DDX20: variants seen among roughly 807,000 people sequenced by gnomAD.
DDX20 encodes DEAD-box helicase 20, also known as probable ATP-dependent RNA helicase DDX20.
A neutral mutation model predicts 76.4 loss-of-function variants in DDX20; 61 were observed. The ratio of observed to expected loss-of-function variants is 0.80; its 90% CI spans 0.65 to 0.99. DDX20 has a LOEUF of 0.99. DDX20 is among the 50% of genes least tolerant of loss of function. The pLI is 0.00. For missense variants in DDX20, 976 were observed against 996.8 expected (o/e 0.98, Z 0.28); for synonymous variants, 357 against 357.4 (o/e 1.00, Z 0.01).
Position 111,756,208 on chromosome 1 carries a change from TG to T in DDX20, c.288del (p.Arg97AlafsTer6), listed in dbSNP as rs746841321. ...PSPVQLKAIP[L>X]GRCGLDLIVQ... ...CCGGTGCAGCTCAAGGCCATCCCGTTGGGGCGCTGCGGGCTCGGTGAGAGCG... is the reference window on the plus strand; with the variant it reads ...CCGGTGCAGCTCAAGGCCATCCCGTTGGGCGCTGCGGGCTCGGTGAGAGCG... On this transcript the variant is annotated frameshift_variant, in exon 1 of 11. Transcript: ENST00000369702. LOFTEE classifies it high-confidence loss of function. The T allele has an allele frequency of 7.6e-7, 1 of 1,315,024 alleles. No individual in the cohort carries two copies. The highest frequency in any genetic ancestry group is 2.8e-5 in the Admixed American group (1 of 36,208). The allele number at this position is 1,315,024 out of a possible 1,614,324, so 81.5% of individuals were successfully genotyped here.
chr1:111,763,018 T>A lies in DDX20; in HGVS notation c.1312+11T>A. 6.3e-7 allele frequency: 1 copy of A among 1,576,190 alleles called. No homozygotes were observed. On this transcript the variant is annotated intron_variant, in intron 10 of 10. Coordinates refer to ENST00000369702, the MANE Select transcript of DDX20 (RefSeq NM_007204.5). ...TTCTCCCTTTACCAGGTACATTTCA[T>A]CTGTTTCATTATTTCAAAATAATTA...
rs1195727997 is a variant in DDX20, at chr1:111,756,122, A to C, written c.198A>C (p.Ser66=). 3 of 1,593,386 alleles carry C rather than the reference A, an allele frequency of 1.9e-6. No individual in the cohort carries two copies. The part of the protein sequence containing the change: ...VLLAEPADFE[S]LLLSRPVLEG... ...TGGCGGAGCCGGCCGACTTCGAGTCACTGCTGCTTTCGCGGCCGGTGCTGG... is the reference window on the plus strand; with the variant it reads ...TGGCGGAGCCGGCCGACTTCGAGTCCCTGCTGCTTTCGCGGCCGGTGCTGG... The change falls in exon 1 of 11, where the codon TCA becomes TCC. Residue 66 remains serine (S), a synonymous_variant. Coordinates refer to ENST00000369702, the MANE Select transcript of DDX20 (RefSeq NM_007204.5).
rs141292395 is a variant in DDX20, at chr1:111,761,329, G to T, written c.1021+45G>T. 1,474 of 1,528,434 alleles carry T rather than the reference G, an allele frequency of 9.6e-4. 17 individuals are homozygous for T. The African/African-American group carries it at 0.017, about 18-fold the overall frequency. The allele number at this position is 1,528,434 out of a possible 1,614,324, so 94.7% of individuals were successfully genotyped here. A position where few individuals can be genotyped will look rare whatever the true frequency, so the allele number is the denominator to read the frequency against. ...TAATCTTTATTTAGTATACTGACTTGAAGCCTCCAAAGTCAGGAGGAAAAA... is the reference window on the plus strand; with the variant it reads ...TAATCTTTATTTAGTATACTGACTTTAAGCCTCCAAAGTCAGGAGGAAAAA... On this transcript the variant is annotated intron_variant, in intron 7 of 10. Transcript: ENST00000369702.
At chr1:111,764,020 C>T (rs1663726788) in intron 10 of DDX20, among the ~76,000 whole-genome samples, 1 of 152,086 alleles carries the variant, frequency 6.6e-6, no homozygotes, top group Non-Finnish European at 1.5e-5. Flanking sequence ...TAGGTCACGC[C>T]TGTAATGCCA....
In DDX20 at chr1:111,766,839, G is replaced by A; in HGVS notation, c.2415G>A (p.Trp805Ter). 6.2e-7 allele frequency: 1 copy of A among 1,613,962 alleles called. No homozygotes were observed. The highest frequency in any genetic ancestry group is 8.5e-7 in the Non-Finnish European group (1 of 1,179,940). ...GGAATGCTCAGAGACATCCAAGTTG[G>A]ATGGCAGCTTATCACATGAATACCA... ...YYWNAQRHPS[W>*]MAAYHMNTIY... The change falls in exon 11 of 11, where the codon TGG becomes TGA. Residue 805 changes from tryptophan (W) to a stop codon, truncating the protein, a stop_gained. Coordinates refer to ENST00000369702, the MANE Select transcript of DDX20 (RefSeq NM_007204.5). LOFTEE classifies it high-confidence loss of function.
rs1015140997 is a variant in DDX20, at chr1:111,761,570, C to A, written c.1021+286C>A. 3.7e-5 allele frequency: 9 copies of A among 245,356 alleles called. No homozygotes were observed. The East Asian group carries it at 6.7e-4, about 18-fold the overall frequency. 15.2% of individuals were successfully genotyped at this position (245,356 alleles called of 1,614,324 possible). A position where few individuals can be genotyped will look rare whatever the true frequency, so the allele number is the denominator to read the frequency against. ...CCACATATAACTTAATTCTATAAAACCAAGTTTGTCTGTATTGTGTTAAGA... is the reference window on the plus strand; with the variant it reads ...CCACATATAACTTAATTCTATAAAAACAAGTTTGTCTGTATTGTGTTAAGA... On this transcript the variant is annotated intron_variant, in intron 7 of 10. Transcript: ENST00000369702.
chr1:111,756,830 G>A, intron 2 of DDX20, 90 bp downstream of exon 2: 1 of 1,108,562 alleles, frequency 9.0e-7, no homozygotes, highest in Non-Finnish European at 1.4e-6. Flanking sequence ...AGAGCTGGAA[G>A]TGAATTTGAT....
rs1366277153 is a variant in DDX20 at position 111,766,667 on chromosome 1, CTG to C, written c.2244_2245del (p.Glu749SerfsTer5). On this transcript the variant is annotated frameshift_variant, in exon 11 of 11. Transcript: ENST00000369702. LOFTEE classifies it high-confidence loss of function. Reference sequence around the variant, plus strand: ...AGGCGGTCTTCCTTCAGATTGCAGACTGAAGCCCAGGAAGATGATTGGTATGA... The same window carrying C: ...AGGCGGTCTTCCTTCAGATTGCAGACAAGCCCAGGAAGATGATTGGTATGA... 1.9e-6 allele frequency: 3 copies of C among 1,614,038 alleles called. No homozygotes were observed. The highest frequency in any genetic ancestry group is 2.7e-5 in the African/African-American group (2 of 74,918).
rs1663817291 is a variant in DDX20 at position 111,767,997 on chromosome 1, T to C, written c.*1098T>C. 1 of 152,200 alleles carries C rather than the reference T, an allele frequency of 6.6e-6. No homozygotes were observed. The highest frequency in any genetic ancestry group is 2.4e-5 in the African/African-American group (1 of 41,460). 9.4% of individuals were successfully genotyped at this position (152,200 alleles called of 1,614,324 possible). On this transcript the variant is annotated 3_prime_UTR_variant, in exon 11 of 11. Coordinates refer to ENST00000369702, the MANE Select transcript of DDX20 (RefSeq NM_007204.5). The stretch of plus-strand genomic sequence containing the variant: ...GATTTAGAAAAATATAATTGGAAAT[T>C]ACATATTCTTTGCTTTTTTCCTCTG...
At chr1:111,756,303 C>A (rs1253414776) in intron 1 of DDX20, 78 bp downstream of exon 1, 1 of 1,350,992 alleles carries the variant, frequency 7.4e-7, no homozygotes, top group Non-Finnish European at 9.5e-7. Context: ...GCCAGGCCCG[C>A]GCCGCAGCTC....
rs1052968304 is a variant in DDX20, at chr1:111,764,181, G to A, written c.1312+1174G>A. Among the ~76,000 whole-genome samples, 101 of 152,150 alleles carry A rather than the reference G, an allele frequency of 6.6e-4. 1 individual carries two copies. The highest frequency in any genetic ancestry group is 2.4e-3 in the African/African-American group (98 of 41,490). The stretch of plus-strand genomic sequence containing the variant: ...GTCTGTAGTCCCAGCTACTTGGAAG[G>A]CTGAGGCCGGAGAATGGCATGAACC... On this transcript the variant is annotated intron_variant, in intron 10 of 10. Coordinates refer to ENST00000369702, the MANE Select transcript of DDX20 (RefSeq NM_007204.5).
chr1:111,759,703 G>A (rs1473300812), intron 3 of DDX20, 135 bp downstream of exon 3: 27 of 947,526 alleles, frequency 2.8e-5, no homozygotes, highest in African/African-American at 1.4e-4. Context: ...GGCCGGGCGC[G>A]GTGGCTCACG....
In DDX20 at chr1:111,760,905, T is replaced by C. The variant is rs1174058025; in HGVS notation, c.823+57T>C. On this transcript the variant is annotated intron_variant, in intron 5 of 10. Transcript: ENST00000369702. ...GGTTTATTTGTGATATGCTGGAGCT[T>C]TCCCTTGCCTAGTTTTGTCTTGCTG... 36 of 1,596,332 alleles carry C rather than the reference T, an allele frequency of 2.3e-5. No individual in the cohort carries two copies. The Middle Eastern group carries it at 1.2e-3, about 52-fold the overall frequency.
At chr1:111,756,286 G>C (rs1174788893) in intron 1 of DDX20, 61 bp downstream of exon 1, 2 of 1,365,916 alleles carry the variant, frequency 1.5e-6, no homozygotes, top group Non-Finnish European at 1.9e-6. Context: ...ACCGACGGGC[G>C]GCGGCGGCCA....
chr1:111,760,223 C>G (rs1663644440), intron 3 of DDX20, among the ~76,000 whole-genome samples: 2 of 152,268 alleles, frequency 1.3e-5, no homozygotes, highest in South Asian at 2.1e-4. Flanking sequence ...ATCTTGCATT[C>G]AGTGCTTTAG....
intron 2 of DDX20, among the ~76,000 whole-genome samples, chr1:111,757,058 TTTG>T (rs987514448): frequency 3.5e-5 from 5 of 143,348 alleles, no homozygotes; most frequent in Non-Finnish European, 6.0e-5. Context: ...AACTGCAGAG[TTTG>T]TTTTTTTTTT....
rs374147460 is a variant in DDX20 at position 111,756,246 on chromosome 1, T to G, written c.301+21T>G. ...GCTCGGTGAGAGCGGGGGCCCGGGA[T>G]AGGTCGGGGGGTGGGGTGGGAGAAG... On this transcript the variant is annotated intron_variant, in intron 1 of 10. Transcript: ENST00000369702. 632 of 1,345,116 alleles carry G rather than the reference T, an allele frequency of 4.7e-4. 5 individuals carry two copies. The South Asian group carries it at 1.0e-2, about 21-fold the overall frequency. The allele number at this position is 1,345,116 out of a possible 1,614,324, so 83.3% of individuals were successfully genotyped here.
chr1:111,756,956 CAG>C (rs1663571290), intron 2 of DDX20, among the ~76,000 whole-genome samples: 1 of 152,088 alleles, frequency 6.6e-6, no homozygotes, highest in African/African-American at 2.4e-5. Flanking sequence ...GTAATACAGA[CAG>C]GGATTCTTCT....
In DDX20 at chr1:111,756,181, C is replaced by T; in HGVS notation, c.257C>T (p.Ser86Leu). ...GLRAAGFERPSPVQLKAIPLG... is the reference protein window; with the variant it reads ...GLRAAGFERPLPVQLKAIPLG... The stretch of plus-strand genomic sequence containing the variant: ...CGGGCGGCCGGCTTCGAGAGGCCCT[C>T]GCCGGTGCAGCTCAAGGCCATCCCG... The change falls in exon 1 of 11, where the codon TCG becomes TTG. Residue 86 changes from serine (S) to leucine (L), a missense_variant. By Grantham distance (145) the Ser-to-Leu change is moderately radical. Transcript: ENST00000369702. 1 of 1,531,150 alleles carries T rather than the reference C, an allele frequency of 6.5e-7. No individual in the cohort carries two copies. Among genetic ancestry groups the T allele is most frequent in the South Asian group, 1.2e-5 (1 of 82,896 alleles). 94.8% of individuals were successfully genotyped at this position (1,531,150 alleles called of 1,614,324 possible). A position where few individuals can be genotyped will look rare whatever the true frequency, so the allele number is the denominator to read the frequency against.
Sources: gnomAD v4.1 joint callset for allele counts (sites outside exome capture counted in the v4.1 genomes callset) on GRCh38, gnomAD v4.1.1 for gene constraint, MANE v1.5 for transcripts, NCBI Gene and HGNC (gene_info 2026-07-23, HGNC 2026-07-21) for gene names.